The following PAX5 variants were observed in gnomAD, a reference collection of about 807,000 sequenced individuals.
The protein encoded by PAX5 is paired box protein Pax-5.
In PAX5, 9 loss-of-function variants were observed where a neutral mutation model predicts 43.7. That is an observed-to-expected ratio of 0.21 (90% confidence interval 0.12 to 0.36). The LOEUF (loss-of-function observed/expected upper bound fraction) is 0.36, where lower values mean the gene tolerates loss of function less well. Ranked by LOEUF, PAX5 falls within the 10% of genes least tolerant of loss-of-function variation. The pLI is 1.00. For missense variants in PAX5, 383 were observed against 532.7 expected (o/e 0.72, Z 2.77); for synonymous variants, 228 against 214.3 (o/e 1.06, Z -0.56).
At chr9:37,026,125 C>G (rs1306691348) in intron 1 of PAX5, among the ~76,000 whole-genome samples, 1 of 152,270 alleles carries the variant, frequency 6.6e-6, no homozygotes, top group Non-Finnish European at 1.5e-5. Flanking sequence ...TGGATCAGCC[C>G]CATGGCTGAA....
At chr9:36,920,439 G>C (rs537482622) in intron 7 of PAX5, among the ~76,000 whole-genome samples, 1 of 152,090 alleles carries the variant, frequency 6.6e-6, no homozygotes, top group Non-Finnish European at 1.5e-5. Context: ...CATCAACATC[G>C]AGGCAAGACC....
chr9:36,968,274 G>T (rs542732133), intron 5 of PAX5, among the ~76,000 whole-genome samples: 1 of 152,206 alleles, frequency 6.6e-6, no homozygotes, highest in Non-Finnish European at 1.5e-5. Context: ...CATCCGTCAC[G>T]TCAAGCTCCC....
intron 5 of PAX5, among the ~76,000 whole-genome samples, chr9:36,975,023 C>T (rs1361623424): frequency 1.3e-5 from 2 of 152,216 alleles, no homozygotes; most frequent in African/African-American, 2.4e-5. Context: ...GCTGCCTCCT[C>T]TCTGAAGCCT....
chr9:37,004,874 A>G (rs1243912697), intron 4 of PAX5, among the ~76,000 whole-genome samples: 3 of 152,200 alleles, frequency 2.0e-5, no homozygotes, highest in Non-Finnish European at 4.4e-5. Flanking sequence ...TACTGGCAAC[A>G]TGACCTAGGG....
At chr9:36,886,289 C>G (rs912258520) in intron 7 of PAX5, among the ~76,000 whole-genome samples, 1 of 152,204 alleles carries the variant, frequency 6.6e-6, no homozygotes, top group African/African-American at 2.4e-5. Flanking sequence ...TAATAAATGT[C>G]ATCACTGTTC....
chr9:37,017,797 T>C (rs2381596), intron 2 of PAX5, among the ~76,000 whole-genome samples: 133,334 of 152,254 alleles, frequency 0.88, 60,312 homozygotes, highest in Non-Finnish European at 1. Flanking sequence ...GAGAGGTCTC[T>C]GTCGTCCTTT....
intron 5 of PAX5, among the ~76,000 whole-genome samples, chr9:36,995,461 G>T (rs1331051243): frequency 1.3e-5 from 2 of 152,218 alleles, no homozygotes; most frequent in Non-Finnish European, 2.9e-5. Context: ...AAGAACTGAG[G>T]TCAGTGCGGG....
At chr9:36,908,960 T>C (rs574441516) in intron 7 of PAX5, among the ~76,000 whole-genome samples, 2 of 152,376 alleles carry the variant, frequency 1.3e-5, no homozygotes, top group East Asian at 3.8e-4. Context: ...CAAATATTTC[T>C]TGGGAACATT....
At chr9:36,976,458 C>T (rs944649702) in intron 5 of PAX5, among the ~76,000 whole-genome samples, 9 of 152,144 alleles carry the variant, frequency 5.9e-5, no homozygotes, top group African/African-American at 1.9e-4. Flanking sequence ...TACAGGCAAC[C>T]AGGTTAAGTT....
chr9:36,936,832 A>ATG (rs1831594172), intron 6 of PAX5, among the ~76,000 whole-genome samples: 1 of 68,188 alleles, frequency 1.5e-5, no homozygotes, highest in Non-Finnish European at 3.3e-5. Context: ...ACACACATGC[A>ATG]CACACACACA....
chr9:36,878,695 CCT>C (rs1826136555), intron 8 of PAX5, among the ~76,000 whole-genome samples: 1 of 152,148 alleles, frequency 6.6e-6, no homozygotes, highest in Non-Finnish European at 1.5e-5. Context: ...AAAGGTGGGC[CCT>C]CTCTGTTCTG....
intron 1 of PAX5, among the ~76,000 whole-genome samples, chr9:37,025,478 A>G (rs1840252974): frequency 6.6e-6 from 1 of 151,436 alleles, no homozygotes; most frequent in African/African-American, 2.4e-5. Context: ...CCCGGGAGCA[A>G]CTCCCTGACC....
At chr9:36,926,425 G>A (rs563316876) in intron 6 of PAX5, among the ~76,000 whole-genome samples, 2 of 152,342 alleles carry the variant, frequency 1.3e-5, no homozygotes, top group South Asian at 2.1e-4. Flanking sequence ...CTTGATCTAG[G>A]TTACAGCCAG....
chr9:37,031,888 T>C (rs2132576237), intron 1 of PAX5, among the ~76,000 whole-genome samples: 1 of 152,308 alleles, frequency 6.6e-6, no homozygotes, highest in East Asian at 1.9e-4. Flanking sequence ...AGGAAGTCTA[T>C]TGGCCCATGA....
At chr9:36,898,364 G>C (rs1744549755) in intron 7 of PAX5, among the ~76,000 whole-genome samples, 1 of 152,084 alleles carries the variant, frequency 6.6e-6, no homozygotes, top group African/African-American at 2.4e-5. Flanking sequence ...TATCTTCACA[G>C]GGTTGTCTGA....
At chr9:36,875,925 G>C (rs954070470) in intron 8 of PAX5, among the ~76,000 whole-genome samples, 1 of 152,202 alleles carries the variant, frequency 6.6e-6, no homozygotes, top group African/African-American at 2.4e-5. Flanking sequence ...AGAATCAGAG[G>C]GAGAAAAGTG....
chr9:36,865,269 T>C (rs1824756481), intron 8 of PAX5, among the ~76,000 whole-genome samples: 1 of 152,098 alleles, frequency 6.6e-6, no homozygotes, highest in Non-Finnish European at 1.5e-5. Flanking sequence ...TCAGCAACCC[T>C]CAGCTTCTGA....
At chr9:36,907,055 C>T (rs983902757) in intron 7 of PAX5, among the ~76,000 whole-genome samples, 19 of 152,194 alleles carry the variant, frequency 1.2e-4, no homozygotes, top group African/African-American at 3.6e-4. Flanking sequence ...CTACAGTGAG[C>T]GGAAAAGGGC....
intron 8 of PAX5, among the ~76,000 whole-genome samples, chr9:36,871,438 C>T (rs563137783): frequency 3.3e-5 from 5 of 152,326 alleles, no homozygotes; most frequent in Non-Finnish European, 5.9e-5. Flanking sequence ...CCCCTAACCT[C>T]TCAGGGCTGG....
Sources: gnomAD v4.1 joint callset for allele counts (sites outside exome capture counted in the v4.1 genomes callset) on GRCh38, gnomAD v4.1.1 for gene constraint, MANE v1.5 for transcripts, NCBI Gene and HGNC (gene_info 2026-07-23, HGNC 2026-07-21) for gene names.